The following PAK5 variants were observed in gnomAD, a reference collection of about 807,000 sequenced individuals.
PAK5 encodes the protein p21 (RAC1) activated kinase 5, also known as serine/threonine-protein kinase PAK 5.
PAK5 carries 16 observed loss-of-function variants against 65.9 expected under a neutral mutation model. That is an observed-to-expected ratio of 0.24 (90% CI 0.16 to 0.37). The LOEUF (loss-of-function observed/expected upper bound fraction) is 0.37, where lower values mean the gene tolerates loss of function less well. PAK5 is among the 10% of genes least tolerant of loss of function. The pLI is 1.00. For synonymous variants in PAK5, 371 were observed against 354.9 expected (o/e 1.05, Z -0.51); for missense variants, 785 against 903.9 (o/e 0.87, Z 1.69).
chr20:9,629,907 T>G (rs1292030125), intron 3 of PAK5, among the ~76,000 whole-genome samples: 4 of 152,148 alleles, frequency 2.6e-5, no homozygotes, highest in African/African-American at 7.2e-5. Flanking sequence ...ACATTGAGGA[T>G]GCTGATGGTG....
intron 1 of PAK5, among the ~76,000 whole-genome samples, chr20:9,831,091 A>AGT (rs1056358160): frequency 1.3e-5 from 2 of 152,258 alleles, no homozygotes; most frequent in Admixed American, 6.5e-5. Flanking sequence ...CATAGCAGCC[A>AGT]GTGGACTGTG....
At chr20:9,752,822 G>C (rs1312295289) in intron 1 of PAK5, among the ~76,000 whole-genome samples, 1 of 152,088 alleles carries the variant, frequency 6.6e-6, no homozygotes, top group East Asian at 1.9e-4. Context: ...TGGAGCTGTT[G>C]TCCCCATGAC....
rs575623056 is a variant in PAK5, at chr20:9,636,383, T to G, written c.204+7742A>C. Reference sequence around the variant, plus strand: ...TCCTCAAGAATGGGATGGCCAGACCTAAAGATTTACCTCTCTTGATTTTTC... The same window carrying G: ...TCCTCAAGAATGGGATGGCCAGACCGAAAGATTTACCTCTCTTGATTTTTC... On this transcript the variant is annotated intron_variant, in intron 3 of 9. Transcript: ENST00000353224. Among the ~76,000 whole-genome samples, 247 of 152,278 alleles carry G rather than the reference T, an allele frequency of 1.6e-3. 3 individuals are homozygous for G. Among genetic ancestry groups the G allele is most frequent in the African/African-American group, 5.8e-3 (240 of 41,564 alleles).
At chr20:9,646,839 C>T (rs2047141365) in intron 2 of PAK5, among the ~76,000 whole-genome samples, 1 of 152,172 alleles carries the variant, frequency 6.6e-6, no homozygotes. Flanking sequence ...GCTGTGTATC[C>T]CAGTTACCTG....
At chr20:9,770,253 C>T (rs1398472086) in intron 1 of PAK5, among the ~76,000 whole-genome samples, 1 of 152,044 alleles carries the variant, frequency 6.6e-6, no homozygotes, top group Non-Finnish European at 1.5e-5. Context: ...AACATGAGCG[C>T]AGATGAGTGC....
chr20:9,687,561 C>G (rs1186669383), intron 2 of PAK5, among the ~76,000 whole-genome samples: 1 of 152,142 alleles, frequency 6.6e-6, no homozygotes, highest in East Asian at 1.9e-4. Flanking sequence ...TGGGTATTAA[C>G]TGGGTCAGAG....
chr20:9,764,312 T>C (rs891502953), intron 1 of PAK5, among the ~76,000 whole-genome samples: 2 of 152,198 alleles, frequency 1.3e-5, no homozygotes, highest in Non-Finnish European at 2.9e-5. Context: ...TTGGTAGGCA[T>C]ACTGTGTAGA....
intron 2 of PAK5, among the ~76,000 whole-genome samples, chr20:9,667,514 C>G (rs73240996): frequency 0.028 from 4,188 of 151,090 alleles, 703 homozygotes; most frequent in African/African-American, 0.095. Context: ...GAACCCAACC[C>G]TTCATCTGTT....
At chr20:9,609,714 G>A (rs1019950305) in intron 3 of PAK5, among the ~76,000 whole-genome samples, 1 of 152,180 alleles carries the variant, frequency 6.6e-6, no homozygotes, top group African/African-American at 2.4e-5. Context: ...CATTAAAAAT[G>A]ACTATAAATT....
At chr20:9,766,390 ATATATATATTCAAGCAGAATATATATG>A in intron 1 of PAK5, among the ~76,000 whole-genome samples, 1 of 73,224 alleles carries the variant, frequency 1.4e-5, no homozygotes, top group African/African-American at 5.9e-5. Context: ...ATATATATGT[ATATATATATTCAAGCAGAATATATATG>A]TATATATATA....
At chr20:9,715,797 G>GA (rs1284239197) in intron 1 of PAK5, among the ~76,000 whole-genome samples, 2 of 149,514 alleles carry the variant, frequency 1.3e-5, no homozygotes, top group African/African-American at 4.9e-5. Flanking sequence ...ATCACAAGGA[G>GA]AAAAAACCAA....
At chr20:9,573,933 G>T (rs1318012921) in intron 4 of PAK5, among the ~76,000 whole-genome samples, 3 of 152,268 alleles carry the variant, frequency 2.0e-5, no homozygotes, top group South Asian at 4.2e-4. Context: ...AAATGAAAAC[G>T]CCAGGCTGGG....
At chr20:9,684,420 T>C (rs1345388472) in intron 2 of PAK5, among the ~76,000 whole-genome samples, 6 of 152,184 alleles carry the variant, frequency 3.9e-5, no homozygotes, top group Admixed American at 3.9e-4. Context: ...TCAGAGGGCA[T>C]TGAAGATATG....
At chr20:9,742,068 G>A (rs1235169979) in intron 1 of PAK5, among the ~76,000 whole-genome samples, 1 of 152,142 alleles carries the variant, frequency 6.6e-6, no homozygotes, top group African/African-American at 2.4e-5. Context: ...AGCAGGGAGA[G>A]CTGAATAAGG....
chr20:9,749,513 C>A (rs927665435), intron 1 of PAK5, among the ~76,000 whole-genome samples: 3 of 152,130 alleles, frequency 2.0e-5, no homozygotes, highest in African/African-American at 7.2e-5. Flanking sequence ...CCAGGGCTCA[C>A]TCATGGAAAG....
At chr20:9,710,189 A>G (rs1011345546) in intron 2 of PAK5, among the ~76,000 whole-genome samples, 15 of 152,252 alleles carry the variant, frequency 9.9e-5, no homozygotes, top group Non-Finnish European at 2.2e-4. Flanking sequence ...TTGAGCAACA[A>G]TGTTCTTAGA....
At chr20:9,602,743 T>C (rs1323145889) in intron 3 of PAK5, among the ~76,000 whole-genome samples, 1 of 152,188 alleles carries the variant, frequency 6.6e-6, no homozygotes, top group Non-Finnish European at 1.5e-5. Flanking sequence ...GAAAGGATCC[T>C]CTTCATCAAT....
intron 6 of PAK5, among the ~76,000 whole-genome samples, chr20:9,558,043 TATTCATTC>T (rs35860631): frequency 4.3e-5 from 6 of 138,870 alleles, no homozygotes; most frequent in Non-Finnish European, 6.1e-5. Context: ...TTTATTTATT[TATTCATTC>T]ATTCATTCAT....
chr20:9,781,899 C>T (rs921533177), intron 1 of PAK5, among the ~76,000 whole-genome samples: 3 of 152,164 alleles, frequency 2.0e-5, no homozygotes, highest in Non-Finnish European at 4.4e-5. Flanking sequence ...AGTTTCTCCC[C>T]TTTCCCCTAT....
Sources: gnomAD v4.1 joint callset for allele counts (sites outside exome capture counted in the v4.1 genomes callset) on GRCh38, gnomAD v4.1.1 for gene constraint, MANE v1.5 for transcripts, NCBI Gene and HGNC (gene_info 2026-07-23, HGNC 2026-07-21) for gene names.